Variants in EYS observed in about 807,000 individuals in gnomAD.
EYS encodes protein eyes shut homolog.
In EYS, 250 loss-of-function variants were observed where a neutral mutation model predicts 282.1. The ratio of observed to expected loss-of-function variants is 0.89; its 90% CI spans 0.80 to 0.98. The LOEUF is 0.98. EYS is among the 50% of genes least tolerant of loss of function. EYS has a pLI of 0.00. For missense variants in EYS, 4,016 were observed against 3,709.0 expected (o/e 1.08, Z -2.15); for synonymous variants, 1,355 against 1,282.9 (o/e 1.06, Z -1.20).
rs1221943541 is a variant in EYS at position 64,590,751 on chromosome 6, G to C, written c.5116C>G (p.Gln1706Glu). 15 of 1,550,804 alleles carry C rather than the reference G, an allele frequency of 9.7e-6. No individual in the cohort carries two copies. In the Middle Eastern group the frequency reaches 5.0e-4, roughly 52 times the overall value. ...GTGGGTCCCATAGTTATGCCATATTGTCTTATTTTCAATAGTTTTAAAATG... is the reference window on the plus strand; with the variant it reads ...GTGGGTCCCATAGTTATGCCATATTCTCTTATTTTCAATAGTTTTAAAATG... ...ENILKLLKIRQYGITMGPTEV... is the reference protein window; with the variant it reads ...ENILKLLKIREYGITMGPTEV... Residue 1706 changes from glutamine to glutamate, a missense_variant, in exon 26 of 43, where the codon CAA (glutamine) becomes GAA (glutamate). Physicochemically the swap from Gln to Glu is conservative, Grantham distance 29 (BLOSUM62 2). Coordinates refer to ENST00000503581, the MANE Select transcript of EYS (RefSeq NM_001142800.2).
chr6:64,390,039 C>A (rs927978868), intron 28 of EYS, among the ~76,000 whole-genome samples: 2 of 151,090 alleles, frequency 1.3e-5, no homozygotes, highest in South Asian at 2.1e-4. Flanking sequence ...TCGGGTCACT[C>A]CCACCCGAAT....
intron 13 of EYS, among the ~76,000 whole-genome samples, chr6:65,015,406 T>A (rs186496953): frequency 6.6e-6 from 1 of 152,182 alleles, no homozygotes; most frequent in African/African-American, 2.4e-5. Context: ...TGGGACAAGA[T>A]CCTACAAGTC....
intron 29 of EYS, among the ~76,000 whole-genome samples, chr6:64,372,678 C>T (rs547104548): frequency 2.0e-5 from 3 of 152,292 alleles, no homozygotes; most frequent in East Asian, 3.9e-4. Context: ...TGCAGGGACA[C>T]AAATGAGTTA....
At chr6:63,943,752 C>T (rs1026420700) in intron 35 of EYS, among the ~76,000 whole-genome samples, 16 of 152,144 alleles carry the variant, frequency 1.1e-4, no homozygotes, top group African/African-American at 3.4e-4. Context: ...AGCATTTCTC[C>T]AGATAGATAG....
intron 22 of EYS, among the ~76,000 whole-genome samples, chr6:64,670,815 A>T (rs1207256529): frequency 6.6e-6 from 1 of 151,940 alleles, no homozygotes; most frequent in African/African-American, 2.4e-5. Flanking sequence ...GGTTTATACT[A>T]TTTTTTTCCT....
At chr6:65,293,628 G>A (rs1768586277) in intron 12 of EYS, among the ~76,000 whole-genome samples, 1 of 151,752 alleles carries the variant, frequency 6.6e-6, no homozygotes, top group Non-Finnish European at 1.5e-5. Context: ...AATTTACTGG[G>A]TTTAGAACAG....
intron 22 of EYS, among the ~76,000 whole-genome samples, chr6:64,641,650 G>A (rs1211595734): frequency 1.3e-5 from 2 of 152,184 alleles, no homozygotes; most frequent in Middle Eastern, 6.8e-3. Context: ...AAACTTTACT[G>A]TGTAAGGCAG....
intron 13 of EYS, among the ~76,000 whole-genome samples, chr6:65,025,168 G>A (rs1199173038): frequency 6.6e-6 from 1 of 152,070 alleles, no homozygotes; most frequent in Admixed American, 6.6e-5. Flanking sequence ...AAATCAATAT[G>A]CATTACCCAC....
chr6:65,653,720 G>A (rs1445847697), intron 1 of EYS, among the ~76,000 whole-genome samples: 1 of 151,900 alleles, frequency 6.6e-6, no homozygotes, highest in Non-Finnish European at 1.5e-5. Flanking sequence ...CAGGCAAATA[G>A]AGTCAGATTT....
intron 19 of EYS, among the ~76,000 whole-genome samples, chr6:64,877,536 T>C (rs1321083273): frequency 2.6e-5 from 4 of 152,132 alleles, no homozygotes; most frequent in Non-Finnish European, 1.5e-5. Context: ...AAATTGATAA[T>C]TGCGGAAACA....
At chr6:64,022,124 A>T (rs9344660) in intron 33 of EYS, among the ~76,000 whole-genome samples, 1 of 152,054 alleles carries the variant, frequency 6.6e-6, no homozygotes, top group African/African-American at 2.4e-5. Context: ...CCAAATAAGC[A>T]CATTTGTGCT....
At chr6:64,357,898 TA>T (rs1307763409) in intron 29 of EYS, among the ~76,000 whole-genome samples, 3 of 151,610 alleles carry the variant, frequency 2.0e-5, no homozygotes, top group Non-Finnish European at 4.4e-5. Context: ...ACTGATTAAG[TA>T]AACCTAGCCA....
intron 33 of EYS, among the ~76,000 whole-genome samples, chr6:64,060,586 T>G (rs942228984): frequency 6.6e-6 from 1 of 152,216 alleles, no homozygotes; most frequent in Non-Finnish European, 1.5e-5. Context: ...GATTTTGCAT[T>G]ACAATAAATT....
chr6:64,626,019 G>A, intron 23 of EYS, 102 bp downstream of exon 23: 1 of 653,864 alleles, frequency 1.5e-6, no homozygotes, highest in Non-Finnish European at 2.5e-6. Flanking sequence ...TATTGGTGGA[G>A]TGGATTGTCA....
At chr6:63,907,575 T>G (rs1308186754) in intron 35 of EYS, among the ~76,000 whole-genome samples, 1 of 152,146 alleles carries the variant, frequency 6.6e-6, no homozygotes, top group Non-Finnish European at 1.5e-5. Flanking sequence ...GTCCAAATAT[T>G]TTAAACTATC....
chr6:64,058,567 A>C (rs1451501654), intron 33 of EYS, among the ~76,000 whole-genome samples: 1 of 152,146 alleles, frequency 6.6e-6, no homozygotes, highest in Non-Finnish European at 1.5e-5. Flanking sequence ...TTAATTAACA[A>C]ATTTCTTGAT....
intron 19 of EYS, among the ~76,000 whole-genome samples, chr6:64,834,404 A>T (rs55743713): frequency 0.15 from 23,083 of 151,696 alleles, 1,985 homozygotes; most frequent in East Asian, 0.43. Flanking sequence ...AATGGAAAAA[A>T]TTGAAATTAA....
rs1307841008 is a variant in EYS, at chr6:64,399,942, T to C, written c.5928-11102A>G. Among the ~76,000 whole-genome samples the C allele has an allele frequency of 2.0e-5, 3 of 151,976 alleles. No homozygotes were observed. In the East Asian group the frequency reaches 5.8e-4, roughly 29 times the overall value. On this transcript the variant is annotated intron_variant, in intron 28 of 42. Transcript: ENST00000503581. Reference sequence around the variant, plus strand: ...TCTCTCTCAAATAGTATTAGCTGCATGGAATTCAGTTCCTTAAGATTTTCT... The same window carrying C: ...TCTCTCTCAAATAGTATTAGCTGCACGGAATTCAGTTCCTTAAGATTTTCT...
At chr6:65,565,499 G>A (rs1235406606) in intron 2 of EYS, among the ~76,000 whole-genome samples, 1 of 152,040 alleles carries the variant, frequency 6.6e-6, no homozygotes, top group Non-Finnish European at 1.5e-5. Flanking sequence ...CACTGTTGGT[G>A]GGAGTATAAA....
Sources: gnomAD v4.1 joint callset for allele counts (sites outside exome capture counted in the v4.1 genomes callset) on GRCh38, gnomAD v4.1.1 for gene constraint, MANE v1.5 for transcripts, NCBI Gene and HGNC (gene_info 2026-07-23, HGNC 2026-07-21) for gene names.